The following ELF5 variants were observed in gnomAD, a reference collection of about 807,000 sequenced individuals.
ELF5 encodes the protein E74 like ETS transcription factor 5.
A neutral mutation model predicts 38.2 loss-of-function variants in ELF5; 31 were observed. The observed-to-expected ratio is 0.81, with a 90% CI of 0.61 to 1.10. ELF5 has a LOEUF of 1.10. ELF5 is among the 50% of genes least tolerant of loss of function. The pLI is 0.00. For missense variants in ELF5, 300 were observed against 306.6 expected (o/e 0.98, Z 0.16); for synonymous variants, 121 against 112.5 (o/e 1.08, Z -0.48).
At position 34,513,341 on chromosome 11, in the gene ELF5, A is replaced by G. The variant is rs370455284; in HGVS notation, c.-5+336T>C. Among the ~76,000 whole-genome samples, 90 of 152,360 alleles carry G rather than the reference A, an allele frequency of 5.9e-4. 1 individual carries two copies. The East Asian group carries it at 0.014, about 25-fold the overall frequency. On this transcript the variant is annotated intron_variant, in intron 1 of 6. Coordinates refer to ENST00000257832, the MANE Select transcript of ELF5 (RefSeq NM_001422.4). Reference sequence around the variant, plus strand: ...TTGAAGCTGAATATTTTTCTGAGTAAAATCCAGCTTCCCTTCCTAAAGAAG... The same window carrying G: ...TTGAAGCTGAATATTTTTCTGAGTAGAATCCAGCTTCCCTTCCTAAAGAAG...
At chr11:34,484,948 C>G (rs1849946923) in intron 4 of ELF5, among the ~76,000 whole-genome samples, 1 of 152,184 alleles carries the variant, frequency 6.6e-6, no homozygotes, top group Non-Finnish European at 1.5e-5. Context: ...GGGTTAGACC[C>G]CTTATGAGCC....
chr11:34,505,907 G>A (rs1850605247), intron 1 of ELF5, among the ~76,000 whole-genome samples, 154 bp from the exon 2 acceptor site: 3 of 152,170 alleles, frequency 2.0e-5, no homozygotes, highest in Admixed American at 2.0e-4. Context: ...TCACCTACGA[G>A]TGACATTATT....
intron 4 of ELF5, among the ~76,000 whole-genome samples, chr11:34,486,148 TC>T (rs950673755): frequency 2.0e-5 from 3 of 152,040 alleles, no homozygotes; most frequent in African/African-American, 7.2e-5. Context: ...GTTTATCGTA[TC>T]CCCATGACAC....
At chr11:34,480,630 C>A (rs564212072) in intron 6 of ELF5, 142 bp downstream of exon 6, 60 of 870,830 alleles carry the variant, frequency 6.9e-5, no homozygotes, top group Middle Eastern at 3.1e-4. Flanking sequence ...CATAATCCTA[C>A]CTGTAACTAA....
intron 2 of ELF5, among the ~76,000 whole-genome samples, chr11:34,496,575 C>T (rs16925662): frequency 0.14 from 20,621 of 152,196 alleles, 1,533 homozygotes; most frequent in Admixed American, 0.21. Flanking sequence ...TCTGCCTTCT[C>T]CTGAGGAATC....
chr11:34,497,419 C>T (rs1850345776), intron 2 of ELF5, among the ~76,000 whole-genome samples: 1 of 152,170 alleles, frequency 6.6e-6, no homozygotes, highest in Non-Finnish European at 1.5e-5. Context: ...TGAAGTGGGT[C>T]AGGACACTTG....
At position 34,493,605 on chromosome 11, in the gene ELF5, T is replaced by A. The variant is rs779914056; in HGVS notation, c.229A>T (p.Ile77Phe). 5.0e-6 allele frequency: 8 copies of A among 1,614,072 alleles called. No homozygotes were observed. The highest frequency in any genetic ancestry group is 6.8e-6 in the Non-Finnish European group (8 of 1,180,038). Residue 77 changes from isoleucine to phenylalanine, a missense_variant, in exon 3 of 7, where the codon ATC becomes TTC. By Grantham distance (21) the Ile-to-Phe change is conservative. Transcript: ENST00000257832. ...CTGATGTTGAAGTTGCAGAAGGAGA[T>A]GCAATTGGTGTCCAACTTGTACTGG... ...CDQYKLDTNC[I>F]SFCNFNISGL...
intron 1 of ELF5, among the ~76,000 whole-genome samples, chr11:34,506,421 C>T (rs1481468530): frequency 6.6e-6 from 1 of 152,178 alleles, no homozygotes; most frequent in Non-Finnish European, 1.5e-5. Context: ...ATCAATAGCA[C>T]CTGAAACCTC....
intron 2 of ELF5, among the ~76,000 whole-genome samples, chr11:34,503,134 G>T (rs553398732): frequency 6.6e-6 from 1 of 152,250 alleles, no homozygotes; most frequent in Admixed American, 6.5e-5. Context: ...TTCACTTCCA[G>T]AATTTGTTCA....
At chr11:34,487,008 G>C (rs559784670) in intron 4 of ELF5, among the ~76,000 whole-genome samples, 1 of 152,154 alleles carries the variant, frequency 6.6e-6, no homozygotes, top group African/African-American at 2.4e-5. Context: ...CCATGATCAC[G>C]TGTCCTGGAC....
intron 1 of ELF5, among the ~76,000 whole-genome samples, chr11:34,508,228 G>T (rs112421417): frequency 3.3e-5 from 5 of 152,126 alleles, no homozygotes; most frequent in Non-Finnish European, 7.4e-5. Flanking sequence ...ACTGCTGGGC[G>T]CAGTGGTTTA....
At chr11:34,489,608 G>C (rs1392321230) in intron 4 of ELF5, among the ~76,000 whole-genome samples, 2 of 152,192 alleles carry the variant, frequency 1.3e-5, no homozygotes, top group Non-Finnish European at 2.9e-5. Context: ...TGAGCTCAGA[G>C]TCTTCTTAAG....
At chr11:34,501,405 T>C (rs1850464060) in intron 2 of ELF5, among the ~76,000 whole-genome samples, 1 of 152,118 alleles carries the variant, frequency 6.6e-6, no homozygotes, top group Non-Finnish European at 1.5e-5. Context: ...GCGTGGCACA[T>C]TGGCTGTCAG....
intron 6 of ELF5, 98 bp from the exon 7 acceptor site, chr11:34,480,412 G>C (rs916673182): frequency 1.0e-6 from 1 of 971,994 alleles, no homozygotes; most frequent in Non-Finnish European, 1.6e-6. Context: ...AGGTGACAAG[G>C]CTGGTCTTTG....
At chr11:34,508,008 A>G (rs1182476137) in intron 1 of ELF5, among the ~76,000 whole-genome samples, 1 of 152,182 alleles carries the variant, frequency 6.6e-6, no homozygotes, top group Non-Finnish European at 1.5e-5. Context: ...TTTTTGTTTT[A>G]ACATAAATAT....
intron 4 of ELF5, among the ~76,000 whole-genome samples, chr11:34,488,152 A>G (rs1267635315): frequency 6.6e-6 from 1 of 152,122 alleles, no homozygotes; most frequent in Non-Finnish European, 1.5e-5. Flanking sequence ...TATCATCGTG[A>G]TGAGCAGTTA....
At chr11:34,510,895 C>T (rs996920887) in intron 1 of ELF5, among the ~76,000 whole-genome samples, 2 of 152,182 alleles carry the variant, frequency 1.3e-5, no homozygotes, top group African/African-American at 4.8e-5. Flanking sequence ...CAGGGATCTG[C>T]TGGGAGGTCT....
At chr11:34,484,544 T>C (rs1849933361) in intron 4 of ELF5, among the ~76,000 whole-genome samples, 1 of 151,962 alleles carries the variant, frequency 6.6e-6, no homozygotes, top group Admixed American at 6.6e-5. Flanking sequence ...TGTACAACTA[T>C]CCCTGCTGCA....
At chr11:34,494,384 T>C (rs899884484) in intron 2 of ELF5, among the ~76,000 whole-genome samples, 1 of 152,222 alleles carries the variant, frequency 6.6e-6, no homozygotes, top group African/African-American at 2.4e-5. Context: ...CCTTGGGTTA[T>C]TAGACATTGC....
Sources: allele counts gnomAD v4.1 joint callset (sites outside exome capture counted in the v4.1 genomes callset), GRCh38; gene constraint gnomAD v4.1.1; transcripts MANE v1.5; gene names NCBI Gene and HGNC (gene_info 2026-07-23, HGNC 2026-07-21).